Variants in TGFBR3 observed in about 807,000 individuals in gnomAD.
TGFBR3 encodes transforming growth factor beta receptor 3, also known as transforming growth factor beta receptor type 3.
Under a neutral mutation model 87.9 loss-of-function variants are expected in TGFBR3, and 46 were observed. The observed-to-expected ratio is 0.52, with a 90% CI of 0.41 to 0.67. The LOEUF is 0.67. TGFBR3 is among the 30% of genes least tolerant of loss of function. TGFBR3 has a pLI of 0.00. For missense variants in TGFBR3, 866 were observed against 1,041.9 expected (o/e 0.83, Z 2.32); for synonymous variants, 381 against 391.6 (o/e 0.97, Z 0.32).
chr1:91,719,180 A>C, intron 10 of TGFBR3, 132 bp downstream of exon 10: 1 of 1,208,204 alleles, frequency 8.3e-7, no homozygotes, highest in South Asian at 1.3e-5. Context: ...TTTGTTGAGA[A>C]CTGACACTTG....
intron 2 of TGFBR3, among the ~76,000 whole-genome samples, chr1:91,829,398 A>AC (rs771721713): frequency 2.6e-3 from 393 of 151,536 alleles, no homozygotes; most frequent in Non-Finnish European, 4.0e-3. Context: ...AAACAAACAA[A>AC]AAAAAAAAAA....
intron 2 of TGFBR3, among the ~76,000 whole-genome samples, chr1:91,806,900 C>A (rs1675855846): frequency 6.6e-6 from 1 of 152,174 alleles, no homozygotes; most frequent in African/African-American, 2.4e-5. Context: ...TTTCTACCCC[C>A]ATGGGATGCA....
At chr1:91,695,903 T>A in intron 15 of TGFBR3, 124 bp from the exon 16 acceptor site, 1 of 825,848 alleles carries the variant, frequency 1.2e-6, no homozygotes, top group Non-Finnish European at 2.1e-6. Context: ...GAGAATGCAA[T>A]GAAGATTCCA....
intron 2 of TGFBR3, among the ~76,000 whole-genome samples, chr1:91,848,781 A>AAAAGAAC (rs1414712985): frequency 2.6e-5 from 4 of 152,208 alleles, no homozygotes; most frequent in Non-Finnish European, 5.9e-5. Flanking sequence ...CTGAGAAATG[A>AAAAGAAC]AAAGAACAAG....
intron 3 of TGFBR3, among the ~76,000 whole-genome samples, chr1:91,796,107 T>C (rs1460423301): frequency 6.6e-6 from 1 of 152,172 alleles, no homozygotes; most frequent in Non-Finnish European, 1.5e-5. Context: ...ATGATCAGGA[T>C]TTTTTGTGGT....
intron 1 of TGFBR3, among the ~76,000 whole-genome samples, chr1:91,869,828 C>T (rs774821146): frequency 3.7e-4 from 57 of 152,184 alleles, no homozygotes; most frequent in Non-Finnish European, 6.6e-4. Context: ...TCCTACTTCC[C>T]TCATTTCTAA....
rs960758763 is a variant in TGFBR3 at position 91,683,316 on chromosome 1, G to A, written c.*423C>T. On this transcript the variant is annotated 3_prime_UTR_variant, in exon 17 of 17. Transcript: ENST00000212355. ...GTTCAGATATAAAGAATCTTTGGCC[G>A]CATCTCCTCACTGGTTCTACTATCT... 5 of 462,664 alleles carry A rather than the reference G, an allele frequency of 1.1e-5. No homozygotes were observed. Among genetic ancestry groups the A allele is most frequent in the East Asian group, 6.8e-5 (1 of 14,784 alleles). The allele number at this position is 462,664 out of a possible 1,614,324, so 28.7% of individuals were successfully genotyped here.
intron 1 of TGFBR3, among the ~76,000 whole-genome samples, chr1:91,864,503 G>A (rs1678311880): frequency 6.6e-6 from 1 of 152,176 alleles, no homozygotes; most frequent in Admixed American, 6.5e-5. Flanking sequence ...GTAACAAAAA[G>A]GGAGCTTTTC....
intron 2 of TGFBR3, 152 bp downstream of exon 2, chr1:91,861,319 A>T: frequency 3.0e-6 from 2 of 667,324 alleles, no homozygotes; most frequent in Non-Finnish European, 5.5e-6. Context: ...AGGATCGCTT[A>T]AGCCCAGGAG....
chr1:91,763,824 G>A (rs1033146682), intron 3 of TGFBR3, among the ~76,000 whole-genome samples: 2 of 152,088 alleles, frequency 1.3e-5, no homozygotes, highest in Non-Finnish European at 2.9e-5. Flanking sequence ...CTAGGGGTGG[G>A]AACAGTATTT....
At chr1:91,695,911 C>G in intron 15 of TGFBR3, 132 bp from the exon 16 acceptor site, 1 of 784,552 alleles carries the variant, frequency 1.3e-6, no homozygotes, top group East Asian at 2.7e-5. Flanking sequence ...AATGAAGATT[C>G]CAATAAAATA....
intron 3 of TGFBR3, among the ~76,000 whole-genome samples, chr1:91,788,381 T>C (rs780536891): frequency 6.6e-6 from 1 of 152,040 alleles, no homozygotes; most frequent in African/African-American, 2.4e-5. Flanking sequence ...TGTTCACTCA[T>C]TCCAGTGGAG....
Position 91,766,933 on chromosome 1 carries a change from G to A in TGFBR3, c.247-8183C>T, listed in dbSNP as rs1278655368. On this transcript the variant is annotated intron_variant, in intron 3 of 16. Transcript: ENST00000212355. The stretch of plus-strand genomic sequence containing the variant: ...CCCACGACTTTACCCTGCACTCTTC[G>A]ACCCATCAACAATCTCCATATTTCA... Among the ~76,000 whole-genome samples, 4 of 132,542 alleles carry A rather than the reference G, an allele frequency of 3.0e-5. 1 individual carries two copies. The highest frequency in any genetic ancestry group is 5.0e-5 in the Non-Finnish European group (3 of 60,584). The allele number at this position is 132,542 out of a possible 152,430, so 87.0% of individuals were successfully genotyped here.
At chr1:91,683,889 G>T in intron 16 of TGFBR3, 32 bp from the exon 17 acceptor site, 1 of 1,536,314 alleles carries the variant, frequency 6.5e-7, no homozygotes, top group Non-Finnish European at 8.9e-7. Flanking sequence ...CAGAGTCAGA[G>T]AAAGACGCAT....
At position 91,713,427 on chromosome 1, in the gene TGFBR3, C is replaced by T. The variant is rs531906851; in HGVS notation, c.1867-885G>A. The stretch of plus-strand genomic sequence containing the variant: ...AGAGGAGATTCTCCATTTGGTGACA[C>T]GTGGATCACTGCATGAACTGCCCCT... On this transcript the variant is annotated intron_variant, in intron 12 of 16. Transcript: ENST00000212355. Among the ~76,000 whole-genome samples the T allele has an allele frequency of 4.6e-5, 7 of 152,334 alleles. No individual in the cohort carries two copies. The South Asian group carries it at 8.3e-4, about 18-fold the overall frequency.
At chr1:91,721,345 A>AAAT (rs1209977677) in intron 8 of TGFBR3, among the ~76,000 whole-genome samples, 1 of 152,202 alleles carries the variant, frequency 6.6e-6, no homozygotes, top group African/African-American at 2.4e-5. Context: ...AACAGTGACT[A>AAAT]AATGGTAGAG....
chr1:91,868,695 G>T (rs979554955), intron 1 of TGFBR3, among the ~76,000 whole-genome samples: 6 of 152,160 alleles, frequency 3.9e-5, no homozygotes, highest in African/African-American at 1.4e-4. Flanking sequence ...GTAATTATTC[G>T]AGCAAAATTC....
Position 91,681,411 on chromosome 1 carries a change from A to C in TGFBR3, c.*2328T>G, listed in dbSNP as rs1311228741. 2.6e-6 allele frequency: 1 copy of C among 385,070 alleles called. No individual in the cohort carries two copies. The highest frequency in any genetic ancestry group is 5.0e-6 in the Non-Finnish European group (1 of 201,048). 23.9% of individuals were successfully genotyped at this position (385,070 alleles called of 1,614,324 possible). On this transcript the variant is annotated 3_prime_UTR_variant, in exon 17 of 17. Coordinates refer to ENST00000212355, the MANE Select transcript of TGFBR3 (RefSeq NM_003243.5). Reference sequence around the variant, plus strand: ...GATTTTTTTCCTCTCTCTCTCTTTTAAAAAGATCTTTTGGTTTGCATCTAT... The same window carrying C: ...GATTTTTTTCCTCTCTCTCTCTTTTCAAAAGATCTTTTGGTTTGCATCTAT...
chr1:91,901,001 T>C (rs113108956), intron 1 of TGFBR3, among the ~76,000 whole-genome samples: 182 of 152,332 alleles, frequency 1.2e-3, no homozygotes, highest in Middle Eastern at 3.4e-3. Context: ...CCTGGGACTA[T>C]AGGCATACAC....
Sources: gnomAD v4.1 joint callset for allele counts (sites outside exome capture counted in the v4.1 genomes callset) on GRCh38, gnomAD v4.1.1 for gene constraint, MANE v1.5 for transcripts, NCBI Gene and HGNC (gene_info 2026-07-23, HGNC 2026-07-21) for gene names.